Variants in CLPX observed in about 807,000 individuals in gnomAD.
CLPX encodes the protein ATP-dependent clpX-like chaperone, mitochondrial.
In CLPX, 34 loss-of-function variants were observed where a neutral mutation model predicts 76.4. That is an observed-to-expected ratio of 0.45 (90% CI 0.34 to 0.59). The LOEUF is 0.59. Ranked by LOEUF, CLPX falls within the 20% of genes least tolerant of loss-of-function variation. The pLI is 0.01. For missense variants in CLPX, 613 were observed against 757.0 expected, an observed-to-expected ratio of 0.81 and a Z score of 2.23; for synonymous variants, 248 against 270.9, an observed-to-expected ratio of 0.92 and a Z score of 0.83.
At chr15:65,183,238 G>C (rs182883006) in intron 1 of CLPX, among the ~76,000 whole-genome samples, 1 of 151,690 alleles carries the variant, frequency 6.6e-6, no homozygotes, top group Non-Finnish European at 1.5e-5. Flanking sequence ...CGAGGCGGAC[G>C]GATCACAAGA....
rs1196309404 is a variant in CLPX, at chr15:65,151,908, A to G, written c.1811+522T>C. On this transcript the variant is annotated intron_variant, in intron 13 of 13. Coordinates refer to ENST00000300107, the MANE Select transcript of CLPX (RefSeq NM_006660.5). ...AGGGGTTAGGAAACTGTAGCTTGCT[A>G]GCCAAATCCAGCCCCATTGCCTTTT... 2.0e-5 allele frequency among the ~76,000 whole-genome samples: 3 copies of G among 152,088 alleles called. No homozygotes were observed. The East Asian group carries it at 5.8e-4, about 29-fold the overall frequency.
At position 65,154,955 on chromosome 15, in the gene CLPX, G is replaced by T; in HGVS notation, c.1438C>A (p.Arg480Ser). 6.2e-7 allele frequency: 1 copy of T among 1,614,012 alleles called. No homozygotes were observed. Among genetic ancestry groups the T allele is most frequent in the Non-Finnish European group, 8.5e-7 (1 of 1,180,002 alleles). Reference sequence around the variant, plus strand: ...ATCAGATCTCTGGCTTCCACATGACGCAATAACCGATCTTTTTCTTCAATG... The same window carrying T: ...ATCAGATCTCTGGCTTCCACATGACTCAATAACCGATCTTTTTCTTCAATG... ...QDIEEKDRLL[R>S]HVEARDLIEF... The change falls in exon 11 of 14, where the codon CGT becomes AGT. Residue 480 changes from arginine (R) to serine (S), a missense_variant. Physicochemically the swap from Arg to Ser is moderately radical, Grantham distance 110. Around this residue, in one of 2 missense-constraint regions of CLPX, gnomAD observed 450 missense variants for 638.6 expected, o/e 0.70. Transcript: ENST00000300107.
intron 6 of CLPX, among the ~76,000 whole-genome samples, chr15:65,160,684 T>C (rs1043446509): frequency 1.3e-5 from 2 of 149,450 alleles, no homozygotes; most frequent in African/African-American, 5.0e-5. Context: ...ATGAACAAAA[T>C]TGCAAGGGGC....
In CLPX at chr15:65,158,721, T is replaced by G. The variant is rs1176325125; in HGVS notation, c.746A>C (p.His249Pro). The change falls in exon 7 of 14, where the codon CAT (histidine) becomes CCT (proline). Residue 249 changes from histidine (H) to proline (P), a missense_variant. This residue lies in a region of CLPX where 450 missense variants were observed against 638.6 expected (regional missense o/e 0.70). Transcript: ENST00000300107. ...CATTGATGCTCCTAAAGCATTACCA[T>G]GTGGGCTAATTCCAGCAATCTGAAG... ...KLLQIAGISP[H>P]GNALGASMQQ... is the part of the protein sequence containing the mutation. The G allele has an allele frequency of 6.2e-7, 1 of 1,604,538 alleles. No individual in the cohort carries two copies. The highest frequency in any genetic ancestry group is 2.2e-5 in the East Asian group (1 of 44,480).
rs549520790 is a variant in CLPX, at chr15:65,178,841, T to C, written c.358+93A>G. ...ATAAGCCGTTTGCACCTGGCCTATA[T>C]TTATACATTTTACATAATTTACATA... On this transcript the variant is annotated intron_variant, in intron 3 of 13. Coordinates refer to ENST00000300107, the MANE Select transcript of CLPX (RefSeq NM_006660.5). 5 of 699,890 alleles carry C rather than the reference T, an allele frequency of 7.1e-6. No individual in the cohort carries two copies. In the South Asian group the frequency reaches 1.1e-4, roughly 16 times the overall value. The allele number at this position is 699,890 out of a possible 1,614,324, so 43.4% of individuals were successfully genotyped here. A position where few individuals can be genotyped will look rare whatever the true frequency, so the allele number is the denominator to read the frequency against.
intron 3 of CLPX, among the ~76,000 whole-genome samples, chr15:65,172,885 T>G (rs1327145350): frequency 6.6e-6 from 1 of 151,510 alleles, no homozygotes; most frequent in Non-Finnish European, 1.5e-5. Flanking sequence ...TAGGGTGGCA[T>G]TTGCCTGTAG....
In CLPX at chr15:65,182,176, C is replaced by T. The variant is rs1428121570; in HGVS notation, c.80-1972G>A. On this transcript the variant is annotated intron_variant, in intron 1 of 13. Transcript: ENST00000300107. ...AGAAAAAGTAATTGAGGGAGAGTGA[C>T]AGATGCAATCAATCAAAATGACCAT... 6.6e-5 allele frequency among the ~76,000 whole-genome samples: 10 copies of T among 150,648 alleles called. No homozygotes were observed. In the East Asian group the frequency reaches 1.7e-3, roughly 26 times the overall value.
chr15:65,160,623 T>TCTCTCTCTCTCTCTCTCACACACA (rs1219208926), intron 6 of CLPX, among the ~76,000 whole-genome samples: 3 of 101,026 alleles, frequency 3.0e-5, no homozygotes, highest in African/African-American at 7.5e-5. Context: ...TCTCTCTCTC[T>TCTCTCTCTCTCTCTCTCACACACA]CACACACACA....
chr15:65,185,026 A>ACCCC (rs573023416), intron 1 of CLPX, 49 bp downstream of exon 1: 17 of 1,197,592 alleles, frequency 1.4e-5, no homozygotes, highest in African/African-American at 5.2e-5. Context: ...TGGCCAGTCC[A>ACCCC]CCCCCCCCCC....
In CLPX at chr15:65,155,660, T is replaced by C. The variant is rs762607840; in HGVS notation, c.1311+32A>G. The C allele has an allele frequency of 5.1e-6, 8 of 1,573,830 alleles. No individual in the cohort carries two copies. In the African/African-American group the frequency reaches 5.4e-5, roughly 11 times the overall value. On this transcript the variant is annotated intron_variant, in intron 10 of 13. Coordinates refer to ENST00000300107, the MANE Select transcript of CLPX (RefSeq NM_006660.5). ...GAGTGTACATCCTTTAAATGCTCTCTATCCTTCTAGTAACCCCTCAGAAAA... is the reference window on the plus strand; with the variant it reads ...GAGTGTACATCCTTTAAATGCTCTCCATCCTTCTAGTAACCCCTCAGAAAA...
Position 65,185,250 on chromosome 15 carries a change from C to A in CLPX, c.-97G>T, listed in dbSNP as rs542174256. 9.8e-7 allele frequency: 1 copy of A among 1,023,148 alleles called. No homozygotes were observed. 63.4% of individuals were successfully genotyped at this position (1,023,148 alleles called of 1,614,324 possible). A position where few individuals can be genotyped will look rare whatever the true frequency, so the allele number is the denominator to read the frequency against. ...AAGGCGCGCTGACTCGGTTCCGAAC[C>A]CTTTCGCGGGCCCTAGACCCCGTGG... On this transcript the variant is annotated 5_prime_UTR_variant, in exon 1 of 14. Coordinates refer to ENST00000300107, the MANE Select transcript of CLPX (RefSeq NM_006660.5).
At chr15:65,170,246 G>A (rs1392385641) in intron 3 of CLPX, among the ~76,000 whole-genome samples, 1 of 151,962 alleles carries the variant, frequency 6.6e-6, no homozygotes, top group South Asian at 2.1e-4. Context: ...TATAGGTACA[G>A]GTGGCAAATA....
intron 11 of CLPX, among the ~76,000 whole-genome samples, chr15:65,154,018 G>A (rs1462429307): frequency 6.6e-6 from 1 of 152,176 alleles, no homozygotes; most frequent in Non-Finnish European, 1.5e-5. Flanking sequence ...AGCTAAGGGA[G>A]CAGCAAAGGG....
intron 3 of CLPX, among the ~76,000 whole-genome samples, chr15:65,168,732 G>C (rs1160139955): frequency 6.6e-6 from 1 of 151,526 alleles, no homozygotes; most frequent in Non-Finnish European, 1.5e-5. Context: ...GTGTACCCTA[G>C]AACTTAAAGT....
chr15:65,185,031 C>CA (rs747600520), intron 1 of CLPX, 44 bp downstream of exon 1: 2 of 1,505,592 alleles, frequency 1.3e-6, no homozygotes, highest in African/African-American at 2.8e-5. Flanking sequence ...AGTCCACCCC[C>CA]CCCCCGACAG....
At chr15:65,157,433 C>G (rs530216935) in intron 8 of CLPX, among the ~76,000 whole-genome samples, 1 of 152,182 alleles carries the variant, frequency 6.6e-6, no homozygotes, top group African/African-American at 2.4e-5. Flanking sequence ...TCCCTTGCCC[C>G]TGCCCTGTCC....
At chr15:65,176,387 G>A (rs940434564) in intron 3 of CLPX, among the ~76,000 whole-genome samples, 1 of 152,092 alleles carries the variant, frequency 6.6e-6, no homozygotes, top group Non-Finnish European at 1.5e-5. Flanking sequence ...TATGATATAG[G>A]AATTTCTGAA....
chr15:65,174,138 G>A (rs1026529581), intron 3 of CLPX, among the ~76,000 whole-genome samples: 10 of 151,996 alleles, frequency 6.6e-5, no homozygotes, highest in Admixed American at 1.3e-4. Context: ...CCACACAGGC[G>A]AATTTTTTGT....
Position 65,165,628 on chromosome 15 carries a change from G to A in CLPX, c.513+1003C>T, listed in dbSNP as rs375320619. On this transcript the variant is annotated intron_variant, in intron 4 of 13. Coordinates refer to ENST00000300107, the MANE Select transcript of CLPX (RefSeq NM_006660.5). ...TCTCGATCTCCTGACCTCATGATCC[G>A]CCCGCCTCGGCCTCCCAAAGTGCTG... 1.1e-3 allele frequency among the ~76,000 whole-genome samples: 161 copies of A among 151,428 alleles called. 1 individual carries two copies. The highest frequency in any genetic ancestry group is 3.7e-3 in the African/African-American group (151 of 41,218).
Sources: gnomAD v4.1 joint callset for allele counts (sites outside exome capture counted in the v4.1 genomes callset) on GRCh38, gnomAD v4.1.1 for gene constraint, gnomAD v4.1.1 regional missense constraint, MANE v1.5 for transcripts, NCBI Gene and HGNC (gene_info 2026-07-23, HGNC 2026-07-21) for gene names.